FHIT: variants seen among roughly 807,000 people sequenced by gnomAD.
The protein encoded by FHIT is bis(5'-adenosyl)-triphosphatase.
A neutral mutation model predicts 17.9 loss-of-function variants in FHIT; 19 were observed. The ratio of observed to expected loss-of-function variants is 1.06; its 90% confidence interval spans 0.74 to 1.56. The LOEUF (loss-of-function observed/expected upper bound fraction) is 1.56, where lower values mean the gene tolerates loss of function less well. FHIT is among the 40% of genes most tolerant of loss of function. The probability of loss-of-function intolerance (pLI) is 0.00; values close to 1 mark genes in which losing one functional copy is unlikely to be tolerated. For synonymous variants in FHIT, 81 were observed against 69.7 expected, an observed-to-expected ratio of 1.16 and a Z score of -0.81; for missense variants, 248 against 189.2, an observed-to-expected ratio of 1.31 and a Z score of -1.82.
chr3:60,780,816 C>A (rs536080399), intron 4 of FHIT, among the ~76,000 whole-genome samples: 2 of 152,130 alleles, frequency 1.3e-5, no homozygotes, highest in Non-Finnish European at 2.9e-5. Context: ...TAGAGTAGAG[C>A]CTCAGAAAGT....
At chr3:60,215,517 C>A (rs573367926) in intron 5 of FHIT, among the ~76,000 whole-genome samples, 1 of 152,108 alleles carries the variant, frequency 6.6e-6, no homozygotes, top group African/African-American at 2.4e-5. Flanking sequence ...GAGCCAAGAT[C>A]GCGCCACTGC....
intron 2 of FHIT, among the ~76,000 whole-genome samples, chr3:61,119,795 G>A (rs1180058671): frequency 6.6e-6 from 1 of 152,120 alleles, no homozygotes; most frequent in African/African-American, 2.4e-5. Context: ...CCTTGGGCTG[G>A]GACTTACACC....
intron 5 of FHIT, among the ~76,000 whole-genome samples, chr3:60,459,699 C>T (rs548637141): frequency 6.6e-6 from 1 of 152,312 alleles, no homozygotes; most frequent in South Asian, 2.1e-4. Context: ...TAATACTGTA[C>T]TTCTTGCAAA....
intron 3 of FHIT, among the ~76,000 whole-genome samples, chr3:61,029,310 G>A (rs1226593757): frequency 1.3e-5 from 2 of 152,158 alleles, no homozygotes; most frequent in Admixed American, 6.5e-5. Context: ...AATTAAGAAC[G>A]ACCAAGGGTT....
At chr3:60,058,288 G>A (rs555741718) in intron 5 of FHIT, among the ~76,000 whole-genome samples, 15 of 151,822 alleles carry the variant, frequency 9.9e-5, no homozygotes, top group Admixed American at 3.3e-4. Context: ...GGGATTACAT[G>A]CCCAGCTAAT....
chr3:59,940,434 C>A (rs1192424402), intron 7 of FHIT, among the ~76,000 whole-genome samples: 1 of 152,122 alleles, frequency 6.6e-6, no homozygotes, highest in African/African-American at 2.4e-5. Context: ...GGTAGAAGAA[C>A]CATTCTCCTA....
rs527386846 is a variant in FHIT, at chr3:60,447,053, G to C, written c.103+89807C>G. ...AAAAATTATGTTGCCCACAAGGTAT[G>C]ATTTTCTAGCTGCCTGTTTTCTCAA... On this transcript the variant is annotated intron_variant, in intron 5 of 9. Transcript: ENST00000492590. Among the ~76,000 whole-genome samples the C allele has an allele frequency of 8.5e-4, 130 of 152,060 alleles. 2 individuals carry two copies. Among genetic ancestry groups the C allele is most frequent in the South Asian group, 4.8e-3 (23 of 4,808 alleles).
intron 5 of FHIT, among the ~76,000 whole-genome samples, chr3:60,090,094 G>A (rs192624649): frequency 1.2e-4 from 19 of 152,216 alleles, no homozygotes; most frequent in African/African-American, 1.9e-4. Flanking sequence ...AGCCAAGACT[G>A]CATCTATCAA....
intron 5 of FHIT, among the ~76,000 whole-genome samples, chr3:60,344,570 C>T (rs1354642676): frequency 6.6e-6 from 1 of 152,078 alleles, no homozygotes; most frequent in Non-Finnish European, 1.5e-5. Context: ...CTCTTGAGGC[C>T]ATAAAAGGCA....
intron 5 of FHIT, among the ~76,000 whole-genome samples, chr3:60,173,088 G>A (rs1387400490): frequency 6.6e-6 from 1 of 152,122 alleles, no homozygotes; most frequent in Non-Finnish European, 1.5e-5. Context: ...ATTTGCTGAA[G>A]ACTTACTATG....
Position 60,155,412 on chromosome 3 carries a change from C to T in FHIT, c.104-141260G>A, listed in dbSNP as rs533315966. 2.6e-5 allele frequency among the ~76,000 whole-genome samples: 4 copies of T among 152,264 alleles called. No homozygotes were observed. The East Asian group carries it at 7.7e-4, about 29-fold the overall frequency. Reference sequence around the variant, plus strand: ...CCCCTCATTTTCTCCCCAACTACCCCACGCAGCAAAGTCTGACTTGAAGCG... The same window carrying T: ...CCCCTCATTTTCTCCCCAACTACCCTACGCAGCAAAGTCTGACTTGAAGCG... On this transcript the variant is annotated intron_variant, in intron 5 of 9. Coordinates refer to ENST00000492590, the MANE Select transcript of FHIT (RefSeq NM_002012.4).
chr3:61,083,874 G>A (rs938625232), intron 2 of FHIT, among the ~76,000 whole-genome samples: 1 of 152,038 alleles, frequency 6.6e-6, no homozygotes, highest in African/African-American at 2.4e-5. Flanking sequence ...CCATTGTACG[G>A]ATATACCACA....
intron 8 of FHIT, among the ~76,000 whole-genome samples, chr3:59,831,392 T>C (rs1273774280): frequency 6.6e-6 from 1 of 152,140 alleles, no homozygotes; most frequent in African/African-American, 2.4e-5. Flanking sequence ...AGGGCAACTA[T>C]TGAGACTATT....
chr3:60,922,295 G>A (rs547179997), intron 3 of FHIT, among the ~76,000 whole-genome samples: 1 of 152,216 alleles, frequency 6.6e-6, no homozygotes, highest in Admixed American at 6.5e-5. Flanking sequence ...TCCCCATGCG[G>A]GCACCAGATA....
At chr3:60,289,824 C>T (rs924369562) in intron 5 of FHIT, among the ~76,000 whole-genome samples, 13 of 120 alleles carry the variant, frequency 0.11, no homozygotes, top group Admixed American at 0.17. Flanking sequence ...GTTTATTACA[C>T]GGAACCATTC....
intron 8 of FHIT, among the ~76,000 whole-genome samples, chr3:59,755,788 C>T (rs1053595934): frequency 1.4e-4 from 21 of 152,130 alleles, no homozygotes; most frequent in African/African-American, 5.1e-4. Context: ...GAGCTAGCCT[C>T]ATTGCAAAGG....
chr3:60,310,404 G>A (rs1708886392), intron 5 of FHIT, among the ~76,000 whole-genome samples: 1 of 152,136 alleles, frequency 6.6e-6, no homozygotes, highest in Non-Finnish European at 1.5e-5. Context: ...ATTGGGTGGA[G>A]GTCAAGAAAA....
At chr3:60,101,159 G>A (rs1704174954) in intron 5 of FHIT, among the ~76,000 whole-genome samples, 1 of 152,222 alleles carries the variant, frequency 6.6e-6, no homozygotes. Context: ...ACAGCCGCCA[G>A]AAGGGCTTGA....
intron 4 of FHIT, among the ~76,000 whole-genome samples, chr3:60,624,900 T>TG (rs2039240469): frequency 1.9e-5 from 1 of 53,290 alleles, no homozygotes. Context: ...TTCTAGTTTT[T>TG]TTTTTTGTTT....
Sources: allele counts gnomAD v4.1 joint callset (sites outside exome capture counted in the v4.1 genomes callset), GRCh38; gene constraint gnomAD v4.1.1; transcripts MANE v1.5; gene names NCBI Gene and HGNC (gene_info 2026-07-23, HGNC 2026-07-21).